The following CHST11 variants were observed in gnomAD, a reference collection of about 807,000 sequenced individuals.
CHST11 encodes the protein carbohydrate sulfotransferase 11.
In CHST11, 9 loss-of-function variants were observed where a neutral mutation model predicts 30.4. The ratio of observed to expected loss-of-function variants is 0.30; its 90% CI spans 0.18 to 0.52. The LOEUF (loss-of-function observed/expected upper bound fraction) is 0.52, where lower values mean the gene tolerates loss of function less well. Ranked by LOEUF, CHST11 falls within the 20% of genes least tolerant of loss-of-function variation. The probability of loss-of-function intolerance (pLI) is 0.97; values close to 1 mark genes in which losing one functional copy is unlikely to be tolerated. For missense variants in CHST11, 348 were observed against 460.6 expected, an observed-to-expected ratio of 0.76 and a Z score of 2.24; for synonymous variants, 152 against 187.8, an observed-to-expected ratio of 0.81 and a Z score of 1.56.
chr12:104,653,459 G>A (rs762723857), intron 2 of CHST11, among the ~76,000 whole-genome samples: 10 of 152,138 alleles, frequency 6.6e-5, no homozygotes, highest in South Asian at 2.1e-4. Context: ...TACCTACTGC[G>A]TGGTAGACAG....
intron 1 of CHST11, among the ~76,000 whole-genome samples, chr12:104,475,658 T>TTATTTATATATATATATA (rs2037550283): frequency 2.9e-5 from 1 of 34,172 alleles, no homozygotes; most frequent in South Asian, 1.2e-3. Flanking sequence ...TAAAGCAGCA[T>TTATTTATATATATATATA]TATATATATA....
At chr12:104,666,492 G>T in intron 2 of CHST11, among the ~76,000 whole-genome samples, 1 of 152,122 alleles carries the variant, frequency 6.6e-6, no homozygotes, top group East Asian at 1.9e-4. Context: ...ATTTCCTTCC[G>T]TTGTTCTTGG....
intron 1 of CHST11, among the ~76,000 whole-genome samples, chr12:104,572,507 T>G (rs1321094452): frequency 2.0e-5 from 3 of 152,208 alleles, no homozygotes; most frequent in Non-Finnish European, 4.4e-5. Context: ...TGCATAGAGG[T>G]GTTTATAGTA....
intron 2 of CHST11, among the ~76,000 whole-genome samples, chr12:104,718,177 T>C (rs2040146490): frequency 1.3e-5 from 2 of 152,154 alleles, no homozygotes; most frequent in African/African-American, 4.8e-5. Context: ...TGACAGTCCC[T>C]TGAAGTAGTT....
At chr12:104,541,731 T>C (rs925834291) in intron 1 of CHST11, among the ~76,000 whole-genome samples, 1 of 152,210 alleles carries the variant, frequency 6.6e-6, no homozygotes, top group Admixed American at 6.5e-5. Context: ...TAACTTCAGG[T>C]CAGCTAATCT....
chr12:104,590,334 GT>G, intron 1 of CHST11, among the ~76,000 whole-genome samples: 1 of 152,170 alleles, frequency 6.6e-6, no homozygotes, highest in East Asian at 1.9e-4. Context: ...GGGAATATAT[GT>G]TTTTTAAATA....
At chr12:104,716,315 T>A (rs575858894) in intron 2 of CHST11, among the ~76,000 whole-genome samples, 59 of 152,324 alleles carry the variant, frequency 3.9e-4, no homozygotes, top group Non-Finnish European at 6.2e-4. Context: ...ATGGAAGCAC[T>A]GCCTGGGTTC....
chr12:104,564,200 A>G (rs961763061), intron 1 of CHST11, among the ~76,000 whole-genome samples: 3 of 152,190 alleles, frequency 2.0e-5, no homozygotes, highest in African/African-American at 7.2e-5. Context: ...TTCATAGTTC[A>G]GCAAACACCT....
chr12:104,674,352 A>C (rs2136097771), intron 2 of CHST11, among the ~76,000 whole-genome samples: 1 of 152,090 alleles, frequency 6.6e-6, no homozygotes, highest in Admixed American at 6.5e-5. Flanking sequence ...CATAGCACTT[A>C]CTCTGTGCCA....
chr12:104,696,507 A>AAC (rs2039948667), intron 2 of CHST11, among the ~76,000 whole-genome samples: 4 of 138,676 alleles, frequency 2.9e-5, no homozygotes, highest in African/African-American at 5.4e-5. Flanking sequence ...AAAAAAAAAA[A>AAC]CATAGCTGGG....
intron 2 of CHST11, among the ~76,000 whole-genome samples, chr12:104,715,776 C>T (rs1041576346): frequency 1.2e-4 from 19 of 152,152 alleles, no homozygotes; most frequent in Non-Finnish European, 2.6e-4. Flanking sequence ...ACCTTGCTGT[C>T]CCCACCCCTG....
intron 2 of CHST11, among the ~76,000 whole-genome samples, chr12:104,651,913 C>T (rs756161676): frequency 6.6e-6 from 1 of 152,238 alleles, no homozygotes; most frequent in Non-Finnish European, 1.5e-5. Context: ...TCTCCAACTG[C>T]ACCTCATCTA....
chr12:104,668,105 G>C (rs2039658535), intron 2 of CHST11, among the ~76,000 whole-genome samples: 1 of 152,080 alleles, frequency 6.6e-6, no homozygotes, highest in Non-Finnish European at 1.5e-5. Flanking sequence ...ATATACCCTG[G>C]CTGTGTGACC....
At chr12:104,733,471 A>T (rs1425777115) in intron 2 of CHST11, among the ~76,000 whole-genome samples, 1 of 152,204 alleles carries the variant, frequency 6.6e-6, no homozygotes, top group Non-Finnish European at 1.5e-5. Flanking sequence ...GGGCTGCATG[A>T]TGGAACCCTT....
chr12:104,565,091 C>G (rs889527713), intron 1 of CHST11, among the ~76,000 whole-genome samples: 1 of 151,936 alleles, frequency 6.6e-6, no homozygotes, highest in Non-Finnish European at 1.5e-5. Flanking sequence ...ATTTTCCCCC[C>G]AATAAGATAA....
In CHST11 at chr12:104,676,500, C is replaced by T. The variant is rs1463124086; in HGVS notation, c.204+74509C>T. ...CGCAATCTCGGCTCACTGCAACCTC[C>T]GCCTCCCGGGTTCAAGGGATTATTC... On this transcript the variant is annotated intron_variant, in intron 2 of 2. Coordinates refer to ENST00000303694, the MANE Select transcript of CHST11 (RefSeq NM_018413.6). The surrounding 1 kb of genome is among the most constrained non-coding windows in gnomAD (Gnocchi z 4.4). Among the ~76,000 whole-genome samples the T allele has an allele frequency of 6.6e-6, 1 of 152,180 alleles. No homozygotes were observed. The highest frequency in any genetic ancestry group is 1.5e-5 in the Non-Finnish European group (1 of 68,020).
chr12:104,480,967 C>T (rs1338373455), intron 1 of CHST11, among the ~76,000 whole-genome samples: 1 of 152,196 alleles, frequency 6.6e-6, no homozygotes, highest in Non-Finnish European at 1.5e-5. Context: ...TGCCTTGACC[C>T]AGTAGGGATT....
intron 2 of CHST11, among the ~76,000 whole-genome samples, chr12:104,725,081 C>T (rs528980784): frequency 1.2e-4 from 19 of 152,246 alleles, no homozygotes; most frequent in African/African-American, 4.1e-4. Flanking sequence ...CTAAGCCCAG[C>T]GCCCCCATTT....
chr12:104,678,415 G>C (rs912033742), intron 2 of CHST11, among the ~76,000 whole-genome samples: 2 of 152,142 alleles, frequency 1.3e-5, no homozygotes, highest in Non-Finnish European at 2.9e-5. Flanking sequence ...ACAAATGAAG[G>C]GCATTTATGA....
Sources: gnomAD v4.1 joint callset for allele counts (sites outside exome capture counted in the v4.1 genomes callset) on GRCh38, gnomAD v4.1.1 for gene constraint, Gnocchi (gnomAD v3.1) non-coding constraint, MANE v1.5 for transcripts, NCBI Gene and HGNC (gene_info 2026-07-23, HGNC 2026-07-21) for gene names.